The following UGT1A5 variants were observed in gnomAD, a reference collection of about 807,000 sequenced individuals.
UGT1A5 encodes UDP glucuronosyltransferase family 1 member A5.
A neutral mutation model predicts 40.3 loss-of-function variants in UGT1A5; 29 were observed. The ratio of observed to expected loss-of-function variants is 0.72; its 90% CI spans 0.54 to 0.98. UGT1A5 has a LOEUF of 0.98. UGT1A5 is among the 50% of genes least tolerant of loss of function. UGT1A5 has a pLI of 0.00. For missense variants in UGT1A5, 678 were observed against 677.9 expected, an observed-to-expected ratio of 1.00 and a Z score of 0.00; for synonymous variants, 257 against 262.5, an observed-to-expected ratio of 0.98 and a Z score of 0.20.
rs34946978 is a variant in UGT1A5 at position 233,768,226 on chromosome 2, C to T, written c.1094C>T (p.Pro365Leu). 720 of 1,614,202 alleles carry T rather than the reference C, an allele frequency of 4.5e-4. 7 individuals carry two copies. The East Asian group carries it at 9.4e-3, about 21-fold the overall frequency. The change falls in exon 4 of 5, where the codon CCG becomes CTG. Residue 365 changes from proline to leucine, a missense_variant. By Grantham distance (98) the Pro-to-Leu change is moderately conservative. Transcript: ENST00000373414. Reference sequence around the variant, plus strand: ...TCCCTATTTTGCATCTCAGGTCACCCGATGACCCGTGCCTTTATCACCCAT... The same window carrying T: ...TCCCTATTTTGCATCTCAGGTCACCTGATGACCCGTGCCTTTATCACCCAT... The part of the protein sequence containing the change: ...WLPQNDLLGH[P>L]MTRAFITHAG...
intron 1 of UGT1A5, chr2:233,747,360 G>A: frequency 6.2e-7 from 1 of 1,603,748 alleles, no homozygotes; most frequent in Non-Finnish European, 8.5e-7. Context: ...GGCCGTGCGG[G>A]AGCTCCATGC....
chr2:233,755,126 C>T, intron 1 of UGT1A5: 1 of 1,323,304 alleles, frequency 7.6e-7, no homozygotes, highest in Non-Finnish European at 1.0e-6. Flanking sequence ...CCTCAGCCAC[C>T]TGCTTGAATC....
intron 3 of UGT1A5, 76 bp from the exon 4 acceptor site, chr2:233,768,144 T>C: frequency 6.2e-7 from 1 of 1,610,934 alleles, no homozygotes; most frequent in Non-Finnish European, 8.5e-7. Context: ...CTTTGGAGTG[T>C]TTTCAGAACC....
rs529174964 is a variant in UGT1A5, at chr2:233,763,096, G to C, written c.868-3938G>C. Among the ~76,000 whole-genome samples the C allele has an allele frequency of 2.0e-5, 3 of 152,310 alleles. No individual in the cohort carries two copies. The East Asian group carries it at 5.8e-4, about 29-fold the overall frequency. On this transcript the variant is annotated intron_variant, in intron 1 of 4. Transcript: ENST00000373414. Reference sequence around the variant, plus strand: ...TTGCGTGAGGATGTTTGTAGGAGAGGCACCGAACTTTATCAGCTGCCTTTC... The same window carrying C: ...TTGCGTGAGGATGTTTGTAGGAGAGCCACCGAACTTTATCAGCTGCCTTTC...
chr2:233,738,188 G>T (rs543563413), intron 1 of UGT1A5, among the ~76,000 whole-genome samples: 6 of 152,088 alleles, frequency 3.9e-5, no homozygotes, highest in Non-Finnish European at 8.8e-5. Flanking sequence ...ACGTGTCTTT[G>T]CCTCTCTCTC....
At chr2:233,760,764 C>G (rs199766420) in intron 1 of UGT1A5, 1 of 1,614,088 alleles carries the variant, frequency 6.2e-7, no homozygotes, top group Non-Finnish European at 8.5e-7. Flanking sequence ...GCAGCCCCAT[C>G]GTGGCCCAGT....
intron 1 of UGT1A5, chr2:233,754,789 A>G (rs1444380130): frequency 8.4e-7 from 1 of 1,196,426 alleles, no homozygotes; most frequent in African/African-American, 1.6e-5. Context: ...AAGGAACGAA[A>G]TCCTGTATCA....
intron 1 of UGT1A5, chr2:233,719,682 T>A: frequency 6.2e-7 from 1 of 1,614,086 alleles, no homozygotes; most frequent in South Asian, 1.1e-5. Flanking sequence ...GAAGCCACTA[T>A]CTCAGGTCTG....
intron 1 of UGT1A5, among the ~76,000 whole-genome samples, chr2:233,759,189 C>T (rs938228585): frequency 2.0e-5 from 3 of 152,184 alleles, no homozygotes; most frequent in African/African-American, 7.2e-5. Flanking sequence ...CAAAAAGTTC[C>T]TTCCCAGGTT....
At chr2:233,765,774 T>C (rs944173037) in intron 1 of UGT1A5, among the ~76,000 whole-genome samples, 1 of 152,060 alleles carries the variant, frequency 6.6e-6, no homozygotes, top group Non-Finnish European at 1.5e-5. Context: ...GGGGGATTCA[T>C]TGGACCACTG....
At chr2:233,729,678 C>G (rs748966468) in intron 1 of UGT1A5, 1 of 1,613,812 alleles carries the variant, frequency 6.2e-7, no homozygotes, top group Non-Finnish European at 8.5e-7. Flanking sequence ...ACTTTAAGGG[C>G]ACACAGTGTC....
At position 233,716,059 on chromosome 2, in the gene UGT1A5, T is replaced by C. The variant is rs28898603; in HGVS notation, c.867+2201T>C. ...GCATTCTGATTCTGTCCATTCTTAG[T>C]TGTATTCTTTCCACTGAGTGTAAGC... On this transcript the variant is annotated intron_variant, in intron 1 of 4. Coordinates refer to ENST00000373414, the MANE Select transcript of UGT1A5 (RefSeq NM_019078.2). Among the ~76,000 whole-genome samples, 29 of 152,358 alleles carry C rather than the reference T, an allele frequency of 1.9e-4. No homozygotes were observed. In the East Asian group the frequency reaches 5.6e-3, roughly 29 times the overall value.
chr2:233,719,365 T>C, intron 1 of UGT1A5: 1 of 1,613,926 alleles, frequency 6.2e-7, no homozygotes. Context: ...GACTTAGACT[T>C]TAAGGGCACA....
chr2:233,748,079 G>A (rs1693856284), intron 1 of UGT1A5: 2 of 1,613,192 alleles, frequency 1.2e-6, no homozygotes, highest in Middle Eastern at 3.4e-4. Flanking sequence ...CACTATCTCA[G>A]GTCGGTGTTC....
chr2:233,738,553 G>C (rs890940493), intron 1 of UGT1A5, among the ~76,000 whole-genome samples: 2 of 152,228 alleles, frequency 1.3e-5, no homozygotes, highest in African/African-American at 2.4e-5. Context: ...CTCAGATAGA[G>C]ATGAGGAATC....
intron 1 of UGT1A5, among the ~76,000 whole-genome samples, chr2:233,726,193 G>A (rs2077515288): frequency 6.6e-6 from 1 of 152,108 alleles, no homozygotes; most frequent in Admixed American, 6.5e-5. Flanking sequence ...TTTGGCATAT[G>A]GAAATCTTGT....
intron 1 of UGT1A5, among the ~76,000 whole-genome samples, chr2:233,756,852 C>T (rs11568318): frequency 6.6e-5 from 10 of 152,088 alleles, no homozygotes; most frequent in East Asian, 1.9e-4. Flanking sequence ...AACATTCTAA[C>T]GGTTCATAAA....
In UGT1A5 at chr2:233,772,290, A is replaced by G; in HGVS notation, c.1336A>G (p.Ser446Gly). The part of the protein sequence containing the change: ...SYKENIMRLS[S>G]LHKDRPVEPL... Reference sequence around the variant, plus strand: ...CAAGGAGAACATCATGCGCCTCTCCAGCCTTCACAAGGACCGCCCGGTGGA... The same window carrying G: ...CAAGGAGAACATCATGCGCCTCTCCGGCCTTCACAAGGACCGCCCGGTGGA... The change falls in exon 5 of 5, where the codon AGC (serine) becomes GGC (glycine). Residue 446 changes from serine (S) to glycine (G), a missense_variant. Ser to Gly is a moderately conservative substitution (Grantham distance 56). Coordinates refer to ENST00000373414, the MANE Select transcript of UGT1A5 (RefSeq NM_019078.2). The G allele has an allele frequency of 6.2e-7, 1 of 1,614,260 alleles. No individual in the cohort carries two copies. Among genetic ancestry groups the G allele is most frequent in the Non-Finnish European group, 8.5e-7 (1 of 1,180,044 alleles).
chr2:233,772,618 A>C lies in UGT1A5; in HGVS notation c.*59A>C. 6.4e-7 allele frequency: 1 copy of C among 1,572,114 alleles called. No homozygotes were observed. The highest frequency in any genetic ancestry group is 2.4e-5 in the East Asian group (1 of 42,372). ...CATTCCCTAGTCATTTCCAAACTTG[A>C]AAACAGAATCAGTGTTAAATTCATT... On this transcript the variant is annotated 3_prime_UTR_variant, in exon 5 of 5. Coordinates refer to ENST00000373414, the MANE Select transcript of UGT1A5 (RefSeq NM_019078.2).
Sources: gnomAD v4.1 joint callset for allele counts (sites outside exome capture counted in the v4.1 genomes callset) on GRCh38, gnomAD v4.1.1 for gene constraint, MANE v1.5 for transcripts, NCBI Gene and HGNC (gene_info 2026-07-23, HGNC 2026-07-21) for gene names.